Variants in PGD observed in about 807,000 individuals in gnomAD.
The protein encoded by PGD is phosphogluconate dehydrogenase.
PGD carries 21 observed loss-of-function variants against 60.4 expected under a neutral mutation model. That is an observed-to-expected ratio of 0.35 (90% confidence interval 0.25 to 0.50). PGD has a LOEUF of 0.50. PGD is among the 20% of genes least tolerant of loss of function. The pLI is 0.98. For missense variants in PGD, 477 were observed against 613.1 expected, an observed-to-expected ratio of 0.78 and a Z score of 2.34; for synonymous variants, 230 against 235.9, an observed-to-expected ratio of 0.97 and a Z score of 0.23.
At chr1:10,412,912 ACT>A (rs1279965841) in intron 7 of PGD, 148 bp from the exon 8 acceptor site, 15 of 626,302 alleles carry the variant, frequency 2.4e-5, no homozygotes, top group Non-Finnish European at 3.7e-5. Flanking sequence ...TTAGCATAAA[ACT>A]CAACCAGCAG....
chr1:10,419,741 A>G lies in PGD; in HGVS notation c.1444A>G (p.Asn482Asp), dbSNP rs1364506569. 6.2e-7 allele frequency: 1 copy of G among 1,614,202 alleles called. No individual in the cohort carries two copies. The highest frequency in any genetic ancestry group is 8.5e-7 in the Non-Finnish European group (1 of 1,180,026). The change falls in exon 13 of 13, where the codon AAT (asparagine) becomes GAT (aspartate). Residue 482 changes from asparagine (N) to aspartate (D), a missense_variant. Coordinates refer to ENST00000270776, the MANE Select transcript of PGD (RefSeq NM_002631.4). ...TGGCACCGTGTCATCCTCGTCATAC[A>G]ATGCCTGATCATGCTGCTCCTGTCA... ...HGGTVSSSSYNA is the reference protein window; with the variant it reads ...HGGTVSSSSYDA
rs144396977 is a variant in PGD, at chr1:10,400,533, G to A, written c.225G>A (p.Val75=). Residue 75 remains valine, a synonymous_variant, in exon 3 of 13, where the codon GTG becomes GTA. Transcript: ENST00000270776. Reference sequence around the variant, plus strand: ...AGCCCCGGCGGATCATCCTCCTGGTGAAGGCTGGGCAAGCTGTGGATGATT... The same window carrying A: ...AGCCCCGGCGGATCATCCTCCTGGTAAAGGCTGGGCAAGCTGTGGATGATT... ...LKKPRRIILL[V]KAGQAVDDFI... 26 of 1,614,104 alleles carry A rather than the reference G, an allele frequency of 1.6e-5. No individual in the cohort carries two copies. Among genetic ancestry groups the A allele is most frequent in the African/African-American group, 9.3e-5 (7 of 75,068 alleles).
chr1:10,401,870 C>T (rs1168955336), intron 3 of PGD, among the ~76,000 whole-genome samples: 1 of 151,972 alleles, frequency 6.6e-6, no homozygotes, highest in African/African-American at 2.4e-5. Flanking sequence ...AAAAAATTAG[C>T]CAGGCGTGGT....
chr1:10,413,086 G>A lies in PGD; in HGVS notation c.679G>A (p.Glu227Lys), dbSNP rs753854416. ...AQAFEDWNKT[E>K]LDSFLIEITA... is the part of the protein sequence containing the mutation. ...GGCCTTTGAGGATTGGAATAAGACAGAGCTAGACTCATTCCTGATTGAAAT... is the reference window on the plus strand; with the variant it reads ...GGCCTTTGAGGATTGGAATAAGACAAAGCTAGACTCATTCCTGATTGAAAT... The change falls in exon 8 of 13, where the codon GAG (glutamate) becomes AAG (lysine). Residue 227 changes from glutamate to lysine, a missense_variant. Physicochemically the swap from Glu to Lys is moderately conservative, Grantham distance 56 (BLOSUM62 1). This residue lies in a region of PGD where 431 missense variants were observed against 556.6 expected (regional missense o/e 0.77). Transcript: ENST00000270776. The A allele has an allele frequency of 1.2e-6, 2 of 1,613,876 alleles. No homozygotes were observed. Among genetic ancestry groups the A allele is most frequent in the Non-Finnish European group, 1.7e-6 (2 of 1,179,858 alleles).
intron 8 of PGD, chr1:10,415,525 C>T (rs1342278763): frequency 6.6e-6 from 1 of 152,220 alleles, no homozygotes; most frequent in Non-Finnish European, 1.5e-5. Flanking sequence ...TCCAGCTGCC[C>T]TCTCCCCCTC....
intron 5 of PGD, among the ~76,000 whole-genome samples, chr1:10,406,054 C>T (rs34045426): frequency 0.33 from 50,091 of 151,816 alleles, 8,394 homozygotes; most frequent in Middle Eastern, 0.38. Context: ...GGGGTTTCAC[C>T]GTGTTAGCCA....
intron 6 of PGD, 114 bp downstream of exon 6, chr1:10,408,254 G>A (rs768901933): frequency 5.6e-6 from 4 of 716,104 alleles, no homozygotes; most frequent in South Asian, 1.5e-5. Flanking sequence ...TGACATAAAC[G>A]TCTCGATCTT....
Position 10,419,514 on chromosome 1 carries a change from A to G in PGD, c.1307A>G (p.Glu436Gly). 6.2e-7 allele frequency: 1 copy of G among 1,614,168 alleles called. No homozygotes were observed. The highest frequency in any genetic ancestry group is 1.7e-5 in the Admixed American group (1 of 60,032). The change falls in exon 12 of 13, where the codon GAG (glutamate) becomes GGG (glycine). Residue 436 changes from glutamate (E) to glycine (G), a missense_variant. Coordinates refer to ENST00000270776, the MANE Select transcript of PGD (RefSeq NM_002631.4). ...ALSFYDGYRH[E>G]MLPASLIQAQ... ...TCCTTCTATGACGGGTACAGACATG[A>G]GATGCTTCCAGCCAGCCTCATCCAG...
chr1:10,417,492 G>A lies in PGD; in HGVS notation c.1092G>A (p.Gly364=). The change falls in exon 10 of 13, where the codon GGG becomes GGA. Residue 364 remains glycine, a synonymous_variant. Transcript: ENST00000270776. ...GTGGCATCGCCCTGATGTGGAGAGG[G>A]GGCTGCATCATTAGAAGGTAAGTGA... is the stretch of plus-strand genomic sequence containing the variant. ...NYGGIALMWR[G]GCIIRSVFLG... is the part of the protein sequence containing the mutation. 1.9e-6 allele frequency: 3 copies of A among 1,612,040 alleles called. No individual in the cohort carries two copies. The highest frequency in any genetic ancestry group is 2.5e-6 in the Non-Finnish European group (3 of 1,179,222).
intron 10 of PGD, among the ~76,000 whole-genome samples, chr1:10,418,365 G>A (rs1478540149): frequency 6.6e-6 from 1 of 152,170 alleles, no homozygotes; most frequent in Non-Finnish European, 1.5e-5. Flanking sequence ...CGCTGGCAGC[G>A]AGCTGCACTT....
chr1:10,419,938 G>C lies in PGD; in HGVS notation c.*189G>C, dbSNP rs1247560352. On this transcript the variant is annotated 3_prime_UTR_variant, in exon 13 of 13. Coordinates refer to ENST00000270776, the MANE Select transcript of PGD (RefSeq NM_002631.4). The stretch of plus-strand genomic sequence containing the variant: ...GAGAGCCACCATGCCCTCTGCCCTT[G>C]CCTCTTGGGACTGACCAGGAGCTGC... The C allele has an allele frequency of 1.5e-6, 1 of 647,620 alleles. No individual in the cohort carries two copies. Among genetic ancestry groups the C allele is most frequent in the Non-Finnish European group, 2.6e-6 (1 of 383,536 alleles). The allele number at this position is 647,620 out of a possible 1,614,324, so 40.1% of individuals were successfully genotyped here. A position where few individuals can be genotyped will look rare whatever the true frequency, so the allele number is the denominator to read the frequency against.
chr1:10,415,416 C>G (rs989211386), intron 8 of PGD: 1 of 152,140 alleles, frequency 6.6e-6, no homozygotes, highest in Admixed American at 6.5e-5. Context: ...TCTCAGAATC[C>G]TACTCTCCTC....
chr1:10,415,045 C>T (rs928667351), intron 8 of PGD, among the ~76,000 whole-genome samples: 8 of 151,248 alleles, frequency 5.3e-5, no homozygotes, highest in South Asian at 2.1e-4. Context: ...GGGCTGAGAT[C>T]GCACCACTGC....
rs548786254 is a variant in PGD at position 10,405,425 on chromosome 1, C to CACACACACACACACACAT, written c.449+1147_449+1148insCACACACACACACACATA. ...ATACACACACACACACACACACACA[C>CACACACACACACACACAT]ATATATATAAATAATTGTGGGCAAT... On this transcript the variant is annotated intron_variant, in intron 5 of 12. Transcript: ENST00000270776. Among the ~76,000 whole-genome samples, 850 of 149,536 alleles carry CACACACACACACACACAT rather than the reference C, an allele frequency of 5.7e-3. 17 individuals carry two copies. Among genetic ancestry groups the CACACACACACACACACAT allele is most frequent in the South Asian group, 0.014 (68 of 4,702 alleles).
At chr1:10,402,132 C>A (rs762265080) in intron 3 of PGD, among the ~76,000 whole-genome samples, 4 of 152,098 alleles carry the variant, frequency 2.6e-5, no homozygotes, top group African/African-American at 9.7e-5. Context: ...TCCTGACCTC[C>A]GAACTGTTGT....
chr1:10,408,229 CA>C (rs758176552), intron 6 of PGD, 89 bp downstream of exon 6: 3 of 783,930 alleles, frequency 3.8e-6, no homozygotes, highest in Non-Finnish European at 7.0e-6. Context: ...CGTGGTCTCC[CA>C]GGGGTTAGCT....
At chr1:10,409,770 C>T (rs548642192) in intron 6 of PGD, among the ~76,000 whole-genome samples, 1 of 149,428 alleles carries the variant, frequency 6.7e-6, no homozygotes, top group East Asian at 2.0e-4. Context: ...ATTCTCATGC[C>T]TCAGCCTCCA....
At chr1:10,409,343 A>G (rs867876952) in intron 6 of PGD, among the ~76,000 whole-genome samples, 4 of 152,190 alleles carry the variant, frequency 2.6e-5, no homozygotes, top group African/African-American at 9.6e-5. Flanking sequence ...CTCAGTCAGA[A>G]TCTGCTTAGG....
intron 9 of PGD, 24 bp downstream of exon 9, chr1:10,417,141 G>A: frequency 6.2e-7 from 1 of 1,613,334 alleles, no homozygotes; most frequent in Non-Finnish European, 8.5e-7. Flanking sequence ...CCTGGCAGTG[G>A]TCTTTGTTGG....
Sources: allele counts gnomAD v4.1 joint callset (sites outside exome capture counted in the v4.1 genomes callset), GRCh38; gene constraint gnomAD v4.1.1; regional missense constraint gnomAD v4.1.1; transcripts MANE v1.5; gene names NCBI Gene and HGNC (gene_info 2026-07-23, HGNC 2026-07-21).